The following DYM variants were observed in gnomAD, a reference collection of about 807,000 sequenced individuals.
The protein encoded by DYM is dymeclin, also known as dyggve-Melchior-Clausen syndrome protein.
A neutral mutation model predicts 93.1 loss-of-function variants in DYM; 78 were observed. The observed-to-expected ratio is 0.84, with a 90% CI of 0.70 to 1.01. The LOEUF (loss-of-function observed/expected upper bound fraction) is 1.01. Ranked by LOEUF, DYM falls within the 50% of genes least tolerant of loss-of-function variation. DYM has a pLI of 0.00. For missense variants in DYM, 789 were observed against 845.0 expected, an observed-to-expected ratio of 0.93 and a Z score of 0.82; for synonymous variants, 321 against 319.7, an observed-to-expected ratio of 1.00 and a Z score of -0.04.
chr18:49,080,159 G>GGGGGGC (rs1411615641), intron 17 of DYM, among the ~76,000 whole-genome samples: 4 of 107,424 alleles, frequency 3.7e-5, no homozygotes, highest in Non-Finnish European at 6.1e-5. Flanking sequence ...CCGGGGGGGG[G>GGGGGGC]CTGACCCCCC....
chr18:49,362,785 C>T (rs1416089052), intron 6 of DYM, among the ~76,000 whole-genome samples: 1 of 152,156 alleles, frequency 6.6e-6, no homozygotes, highest in African/African-American at 2.4e-5. Context: ...GCTGGAAATA[C>T]AATCAGGAAG....
At chr18:49,343,861 A>T (rs1163124597) in intron 6 of DYM, among the ~76,000 whole-genome samples, 3 of 152,032 alleles carry the variant, frequency 2.0e-5, no homozygotes, top group Non-Finnish European at 4.4e-5. Flanking sequence ...TAATCCCAGC[A>T]CATTAGGAGA....
chr18:49,306,216 G>A (rs994487744), intron 8 of DYM, among the ~76,000 whole-genome samples: 3 of 152,156 alleles, frequency 2.0e-5, no homozygotes, highest in Non-Finnish European at 4.4e-5. Context: ...GAAGAAAGGT[G>A]AATAGCAGAG....
chr18:49,289,723 A>T, intron 8 of DYM, among the ~76,000 whole-genome samples: 1 of 36,782 alleles, frequency 2.7e-5, no homozygotes, highest in African/African-American at 9.2e-5. Flanking sequence ...ATATATATAT[A>T]TGTGTATATA....
chr18:49,298,806 G>A (rs950425438), intron 8 of DYM, among the ~76,000 whole-genome samples: 5 of 152,136 alleles, frequency 3.3e-5, no homozygotes, highest in Non-Finnish European at 7.4e-5. Flanking sequence ...GAATTCAACT[G>A]TCTCAGTAAA....
intron 17 of DYM, among the ~76,000 whole-genome samples, chr18:49,090,062 C>G (rs958369370): frequency 9.2e-5 from 14 of 152,192 alleles, no homozygotes; most frequent in Admixed American, 9.2e-4. Context: ...TAAAATTTCT[C>G]ATATGAGGAC....
At chr18:49,105,130 A>C (rs1166365899) in intron 16 of DYM, among the ~76,000 whole-genome samples, 5 of 152,096 alleles carry the variant, frequency 3.3e-5, no homozygotes, top group African/African-American at 1.2e-4. Context: ...TTCCTGGTTT[A>C]GTCTTGGGAG....
At chr18:49,386,996 G>A (rs966791994) in intron 3 of DYM, among the ~76,000 whole-genome samples, 1 of 145,036 alleles carries the variant, frequency 6.9e-6, no homozygotes, top group African/African-American at 2.6e-5. Context: ...TAGGCTGAAT[G>A]TCGTAGTGTG....
At chr18:49,450,778 A>G (rs1030051870) in intron 1 of DYM, among the ~76,000 whole-genome samples, 5 of 152,248 alleles carry the variant, frequency 3.3e-5, no homozygotes, top group Non-Finnish European at 5.9e-5. Flanking sequence ...ACTATCAATC[A>G]TAATTAAGGT....
chr18:49,119,618 G>A (rs904294270), intron 15 of DYM, among the ~76,000 whole-genome samples: 43 of 152,192 alleles, frequency 2.8e-4, no homozygotes, highest in African/African-American at 1.0e-3. Context: ...GGTTCTCAAT[G>A]TATGTAAAGG....
intron 8 of DYM, among the ~76,000 whole-genome samples, chr18:49,312,486 T>G (rs1022887485): frequency 6.6e-6 from 1 of 152,188 alleles, no homozygotes; most frequent in African/African-American, 2.4e-5. Context: ...CTCCCCAGTC[T>G]GAGTCCATAA....
chr18:49,202,663 G>C (rs2092113269), intron 14 of DYM, among the ~76,000 whole-genome samples: 1 of 108,512 alleles, frequency 9.2e-6, no homozygotes, highest in Admixed American at 9.0e-5. Flanking sequence ...TGGGATGTGA[G>C]GAGCGCCTCT....
chr18:49,042,936 T>C lies in DYM; in HGVS notation c.*1119A>G, dbSNP rs1246558465. 1 of 152,154 alleles carries C rather than the reference T, an allele frequency of 6.6e-6. No homozygotes were observed. Among genetic ancestry groups the C allele is most frequent in the African/African-American group, 2.4e-5 (1 of 41,432 alleles). The allele number at this position is 152,154 out of a possible 1,614,324, so 9.4% of individuals were successfully genotyped here. Reference sequence around the variant, plus strand: ...ATACAGTATGAACAAATTACTCTCCTTTTTCTATTAGTGTGGGTGAAGGAA... The same window carrying C: ...ATACAGTATGAACAAATTACTCTCCCTTTTCTATTAGTGTGGGTGAAGGAA... On this transcript the variant is annotated 3_prime_UTR_variant, in exon 18 of 18. Coordinates refer to ENST00000675505, the MANE Select transcript of DYM (RefSeq NM_001353214.3).
intron 14 of DYM, among the ~76,000 whole-genome samples, chr18:49,198,772 T>C (rs1466522743): frequency 1.3e-5 from 2 of 151,876 alleles, no homozygotes; most frequent in African/African-American, 4.8e-5. Flanking sequence ...ACTTTTACAC[T>C]GTTGGTGGGA....
chr18:49,272,920 C>T (rs575324571), intron 10 of DYM, among the ~76,000 whole-genome samples: 60 of 151,902 alleles, frequency 3.9e-4, no homozygotes, highest in African/African-American at 1.4e-3. Flanking sequence ...AAGGAGGTTA[C>T]TGAAATTATT....
chr18:49,104,621 G>C (rs1395474425), intron 16 of DYM, among the ~76,000 whole-genome samples: 1 of 152,178 alleles, frequency 6.6e-6, no homozygotes, highest in Non-Finnish European at 1.5e-5. Context: ...TTAGCATGAA[G>C]TGTTGTTGAA....
intron 13 of DYM, among the ~76,000 whole-genome samples, chr18:49,216,114 C>A (rs1021977581): frequency 6.6e-6 from 1 of 152,210 alleles, no homozygotes; most frequent in South Asian, 2.1e-4. Flanking sequence ...GCACCTGGCT[C>A]GGAGGGTCCT....
chr18:49,315,358 T>C (rs1482830633), intron 8 of DYM, among the ~76,000 whole-genome samples: 2 of 152,214 alleles, frequency 1.3e-5, no homozygotes, highest in Non-Finnish European at 2.9e-5. Flanking sequence ...CTAACCTGCC[T>C]ACCGGGTATG....
chr18:49,062,250 T>A (rs928522376), intron 17 of DYM, among the ~76,000 whole-genome samples: 2 of 152,244 alleles, frequency 1.3e-5, no homozygotes, highest in African/African-American at 4.8e-5. Context: ...CATTTTAATC[T>A]GATTGTCAGC....
Sources: gnomAD v4.1 joint callset for allele counts (sites outside exome capture counted in the v4.1 genomes callset) on GRCh38, gnomAD v4.1.1 for gene constraint, MANE v1.5 for transcripts, NCBI Gene and HGNC (gene_info 2026-07-23, HGNC 2026-07-21) for gene names.